The following SLC31A1 variants were observed in gnomAD, a reference collection of about 807,000 sequenced individuals.
SLC31A1 encodes high affinity copper uptake protein 1.
In SLC31A1, 5 loss-of-function variants were observed where a neutral mutation model predicts 17.2. The observed-to-expected ratio is 0.29, with a 90% CI of 0.15 to 0.61. SLC31A1 has a LOEUF of 0.61. Among genes scored for constraint, SLC31A1 ranks in the 20% least tolerant of loss-of-function variants. The pLI is 0.86. For synonymous variants in SLC31A1, 76 were observed against 78.8 expected, an observed-to-expected ratio of 0.96 and a Z score of 0.19; for missense variants, 161 against 241.4, an observed-to-expected ratio of 0.67 and a Z score of 2.21.
chr9:113,225,031 C>T (rs1831325536), intron 1 of SLC31A1, among the ~76,000 whole-genome samples: 1 of 152,208 alleles, frequency 6.6e-6, no homozygotes, highest in Non-Finnish European at 1.5e-5. Context: ...TGTCATTTTT[C>T]TCTTCTCATT....
Position 113,237,920 on chromosome 9 carries a change from C to G in SLC31A1, c.-36+16242C>G, listed in dbSNP as rs976827997. Among the ~76,000 whole-genome samples, 20 of 152,270 alleles carry G rather than the reference C, an allele frequency of 1.3e-4. No homozygotes were observed. In the East Asian group the frequency reaches 3.9e-3, roughly 29 times the overall value. ...AGACTGCATATAGCCTTTACCTAAG[C>G]CTTATAGTGAATTCTGTAAACAAGA... On this transcript the variant is annotated intron_variant, in intron 1 of 4. Coordinates refer to ENST00000374212, the MANE Select transcript of SLC31A1 (RefSeq NM_001859.4).
rs1328816193 is a variant in SLC31A1, at chr9:113,224,025, C to T, written c.-36+2347C>T. On this transcript the variant is annotated intron_variant, in intron 1 of 4. Coordinates refer to ENST00000374212, the MANE Select transcript of SLC31A1 (RefSeq NM_001859.4). ...ACATTTTAACGAACACATAAACATT[C>T]TTTTGCCATTCTTTTAACATAAGGC... Among the ~76,000 whole-genome samples, 3 of 152,180 alleles carry T rather than the reference C, an allele frequency of 2.0e-5. No homozygotes were observed. In the East Asian group the frequency reaches 5.8e-4, roughly 29 times the overall value.
At chr9:113,223,209 ACATG>A (rs749866337) in intron 1 of SLC31A1, 1 of 446,976 alleles carries the variant, frequency 2.2e-6, no homozygotes, top group South Asian at 1.6e-5. Context: ...AACATCACGA[ACATG>A]CATACGCAGA....
chr9:113,245,959 T>A (rs1026696610), intron 1 of SLC31A1, among the ~76,000 whole-genome samples: 1 of 151,752 alleles, frequency 6.6e-6, no homozygotes, highest in Non-Finnish European at 1.5e-5. Flanking sequence ...TGCAGTATTA[T>A]ATCAAGGTCT....
chr9:113,236,476 G>T (rs1831461545), intron 1 of SLC31A1, among the ~76,000 whole-genome samples: 1 of 152,030 alleles, frequency 6.6e-6, no homozygotes, highest in South Asian at 2.1e-4. Flanking sequence ...CCATTCTCCT[G>T]CCTCAACCTC....
At chr9:113,239,469 CT>C (rs1390700145) in intron 1 of SLC31A1, among the ~76,000 whole-genome samples, 1 of 152,036 alleles carries the variant, frequency 6.6e-6, no homozygotes, top group Non-Finnish European at 1.5e-5. Context: ...GATTTTTTTC[CT>C]TCTGTAAATC....
In SLC31A1 at chr9:113,258,619, T is replaced by C; in HGVS notation, c.203-75T>C. 6.6e-7 allele frequency: 1 copy of C among 1,521,724 alleles called. No individual in the cohort carries two copies. Among genetic ancestry groups the C allele is most frequent in the Admixed American group, 1.7e-5 (1 of 59,892 alleles). 94.3% of individuals were successfully genotyped at this position (1,521,724 alleles called of 1,614,324 possible). A position where few individuals can be genotyped will look rare whatever the true frequency, so the allele number is the denominator to read the frequency against. On this transcript the variant is annotated intron_variant, in intron 3 of 4. Transcript: ENST00000374212. The surrounding 1 kb of genome is among the most constrained non-coding windows in gnomAD (Gnocchi z 4.8). ...GAGTAGCATTTTTTCTATGTGTCTT[T>C]CTAGCTGGACAGCACATTGGCTAAT...
At position 113,261,067 on chromosome 9, in the gene SLC31A1, G is replaced by A. The variant is rs191115659; in HGVS notation, c.*594G>A. 3 of 164,496 alleles carry A rather than the reference G, an allele frequency of 1.8e-5. No individual in the cohort carries two copies. Among genetic ancestry groups the A allele is most frequent in the East Asian group, 1.7e-4 (1 of 5,950 alleles). The allele number at this position is 164,496 out of a possible 1,614,324, so 10.2% of individuals were successfully genotyped here. A position where few individuals can be genotyped will look rare whatever the true frequency, so the allele number is the denominator to read the frequency against. On this transcript the variant is annotated 3_prime_UTR_variant, in exon 5 of 5. Transcript: ENST00000374212. ...ACCTGAGGACAGGAGTTCGAGACCAGTCTGGCCAACATGGGGAAACCCCGT... is the reference window on the plus strand; with the variant it reads ...ACCTGAGGACAGGAGTTCGAGACCAATCTGGCCAACATGGGGAAACCCCGT...
chr9:113,225,823 AAG>A (rs1831333877), intron 1 of SLC31A1, among the ~76,000 whole-genome samples: 1 of 152,162 alleles, frequency 6.6e-6, no homozygotes, highest in Non-Finnish European at 1.5e-5. Context: ...GAAGTGCTAC[AAG>A]AGAGAAAGAT....
intron 1 of SLC31A1, among the ~76,000 whole-genome samples, chr9:113,230,076 G>A (rs1468594390): frequency 6.6e-6 from 1 of 152,176 alleles, no homozygotes; most frequent in Admixed American, 6.5e-5. Context: ...GAGTGAAGAT[G>A]GAAAGATGAA....
intron 1 of SLC31A1, among the ~76,000 whole-genome samples, chr9:113,253,940 A>G (rs1427727169): frequency 6.7e-6 from 1 of 148,812 alleles, no homozygotes; most frequent in Admixed American, 6.8e-5. Context: ...GAATCTATAT[A>G]AATTTCCTAC....
At position 113,253,958 on chromosome 9, in the gene SLC31A1, C is replaced by CTTT. The variant is rs397967653; in HGVS notation, c.-35-2139_-35-2137dup. Among the ~76,000 whole-genome samples the CTTT allele has an allele frequency of 1.9e-4, 21 of 110,402 alleles. 1 individual carries two copies. The highest frequency in any genetic ancestry group is 8.8e-4 in the Admixed American group (8 of 9,054). 72.4% of individuals were successfully genotyped at this position (110,402 alleles called of 152,430 possible). A position where few individuals can be genotyped will look rare whatever the true frequency, so the allele number is the denominator to read the frequency against. On this transcript the variant is annotated intron_variant, in intron 1 of 4. Transcript: ENST00000374212. ...TCTATATAAATTTCCTACCCACAGT[C>CTTT]TTTTTTTTTTTTTTTTTTTGAGATA...
rs1831809182 is a variant in SLC31A1, at chr9:113,262,858, A to C, written c.*2385A>C. The C allele has an allele frequency of 6.5e-6, 1 of 152,676 alleles. No individual in the cohort carries two copies. Among genetic ancestry groups the C allele is most frequent in the South Asian group, 2.1e-4 (1 of 4,832 alleles). The allele number at this position is 152,676 out of a possible 1,614,324, so 9.5% of individuals were successfully genotyped here. A position where few individuals can be genotyped will look rare whatever the true frequency, so the allele number is the denominator to read the frequency against. On this transcript the variant is annotated 3_prime_UTR_variant, in exon 5 of 5. Coordinates refer to ENST00000374212, the MANE Select transcript of SLC31A1 (RefSeq NM_001859.4). ...TGCTATAGAATACCCTCCCAGCAAC[A>C]AAACCTAATCAGTAAGGCCAGCTAG...
intron 1 of SLC31A1, chr9:113,223,327 T>TAAAAAAA (rs5900047): frequency 3.3e-6 from 1 of 304,302 alleles, no homozygotes; most frequent in Non-Finnish European, 6.5e-6. Context: ...TGGGTGCACC[T>TAAAAAAA]AAAAAAAAAA....
intron 1 of SLC31A1, among the ~76,000 whole-genome samples, chr9:113,224,472 A>T (rs1173916408): frequency 6.8e-6 from 1 of 147,928 alleles, no homozygotes; most frequent in African/African-American, 2.5e-5. Context: ...CTTGTTGCCC[A>T]GGCTTGAATG....
intron 1 of SLC31A1, among the ~76,000 whole-genome samples, chr9:113,243,678 A>G (rs1310191353): frequency 6.6e-6 from 1 of 152,182 alleles, no homozygotes; most frequent in Non-Finnish European, 1.5e-5. Context: ...GACTGCAGGC[A>G]TGCACCACTG....
chr9:113,245,446 AC>A, intron 1 of SLC31A1, among the ~76,000 whole-genome samples: 1 of 152,118 alleles, frequency 6.6e-6, no homozygotes, highest in East Asian at 1.9e-4. Context: ...GAGCCATCGC[AC>A]CCGGCCTCTG....
At chr9:113,221,890 C>T (rs1015543112) in intron 1 of SLC31A1, among the ~76,000 whole-genome samples, 2 of 152,232 alleles carry the variant, frequency 1.3e-5, no homozygotes, top group Non-Finnish European at 2.9e-5. Flanking sequence ...CTCAGTTTCC[C>T]CGTGTATGCA....
Position 113,221,684 on chromosome 9 carries a change from G to T in SLC31A1, c.-36+6G>T. On this transcript the variant is annotated splice_donor_region_variant and intron_variant, in intron 1 of 4. Transcript: ENST00000374212. ...GCTGGACTTGACCTGGAAAGGTAAG[G>T]CTTCTCTCGGCCCCTCTTTCGCACC... 2 of 297,818 alleles carry T rather than the reference G, an allele frequency of 6.7e-6. No individual in the cohort carries two copies. The highest frequency in any genetic ancestry group is 2.9e-5 in the South Asian group (1 of 34,222). The allele number at this position is 297,818 out of a possible 1,614,324, so 18.4% of individuals were successfully genotyped here.
Sources: allele counts gnomAD v4.1 joint callset (sites outside exome capture counted in the v4.1 genomes callset), GRCh38; gene constraint gnomAD v4.1.1; non-coding constraint Gnocchi (gnomAD v3.1); transcripts MANE v1.5; gene names NCBI Gene and HGNC (gene_info 2026-07-23, HGNC 2026-07-21).